Variants in SIN3A observed in about 807,000 individuals in gnomAD.
The protein encoded by SIN3A is paired amphipathic helix protein Sin3a.
In SIN3A, 14 loss-of-function variants were observed where a neutral mutation model predicts 146.1. That is an observed-to-expected ratio of 0.10 (90% CI 0.06 to 0.15). The LOEUF is 0.15. Ranked by LOEUF, SIN3A falls within the 10% of genes least tolerant of loss-of-function variation. The pLI, the probability that SIN3A is intolerant of heterozygous loss-of-function variation, is 1.00. For missense variants in SIN3A, 1,028 were observed against 1,576.0 expected (o/e 0.65, Z 5.89); for synonymous variants, 572 against 572.0 (o/e 1.00, Z 0.00).
chr15:75,429,232 G>GC (rs1470134917), intron 2 of SIN3A, among the ~76,000 whole-genome samples: 1 of 152,026 alleles, frequency 6.6e-6, no homozygotes, highest in Non-Finnish European at 1.5e-5. Flanking sequence ...ACCAGCCTGA[G>GC]CAACACAGCA....
intron 8 of SIN3A, among the ~76,000 whole-genome samples, chr15:75,408,491 A>T (rs1031856681): frequency 1.3e-5 from 2 of 152,202 alleles, no homozygotes; most frequent in African/African-American, 4.8e-5. Flanking sequence ...TTCTGCAGAC[A>T]TATCTGTCTC....
chr15:75,384,514 T>A, intron 16 of SIN3A, 77 bp from the exon 17 acceptor site: 1 of 704,994 alleles, frequency 1.4e-6, no homozygotes, highest in Non-Finnish European at 1.8e-6. Flanking sequence ...TCCTTTGATG[T>A]AGTCATTCAA....
chr15:75,384,927 A>G (rs2073051237), intron 16 of SIN3A, among the ~76,000 whole-genome samples: 1 of 152,170 alleles, frequency 6.6e-6, no homozygotes, highest in East Asian at 1.9e-4. Context: ...TAATCCCAGC[A>G]CTTTGGGAGG....
intron 17 of SIN3A, among the ~76,000 whole-genome samples, chr15:75,382,035 A>C (rs2072981780): frequency 6.6e-6 from 1 of 152,264 alleles, no homozygotes; most frequent in African/African-American, 2.4e-5. Context: ...GAACCACAAA[A>C]TGTCAATGCT....
rs768298196 is a variant in SIN3A at position 75,372,003 on chromosome 15, G to A, written c.3798C>T (p.Tyr1266=). ...GTTAAGGGGCTTTGAATACTGTGCC[G>A]TATTTGACACGATACTTGTTAATGC... The part of the protein sequence containing the change: ...FVSINKYRVK[Y]GTVFKAP Residue 1266 remains tyrosine, a synonymous_variant, in exon 21 of 21, where the codon TAC becomes TAT. Transcript: ENST00000394947. 4.3e-6 allele frequency: 7 copies of A among 1,614,146 alleles called. No individual in the cohort carries two copies. The East Asian group carries it at 6.7e-5, about 15-fold the overall frequency.
At chr15:75,391,235 T>C (rs2073193885) in intron 15 of SIN3A, among the ~76,000 whole-genome samples, 1 of 152,102 alleles carries the variant, frequency 6.6e-6, no homozygotes, top group Non-Finnish European at 1.5e-5. Flanking sequence ...AAACAAGCTG[T>C]GGTAAGTGTG....
At chr15:75,389,851 T>C (rs1567330719) in intron 15 of SIN3A, 30 bp from the exon 16 acceptor site, 6 of 1,607,996 alleles carry the variant, frequency 3.7e-6, no homozygotes, top group Non-Finnish European at 5.1e-6. Flanking sequence ...GGTGAGGCCT[T>C]ACCTTGCTAA....
chr15:75,424,119 A>C (rs537671141), intron 2 of SIN3A, among the ~76,000 whole-genome samples: 1 of 152,316 alleles, frequency 6.6e-6, no homozygotes, highest in South Asian at 2.1e-4. Context: ...AAAATAAATT[A>C]CTATGAAAGT....
At chr15:75,412,480 T>C (rs1243406355) in intron 5 of SIN3A, among the ~76,000 whole-genome samples, 1 of 152,240 alleles carries the variant, frequency 6.6e-6, no homozygotes, top group Admixed American at 6.5e-5. Flanking sequence ...CAACTACTAC[T>C]ACACAAAGTC....
intron 1 of SIN3A, among the ~76,000 whole-genome samples, chr15:75,449,970 G>A (rs1377584065): frequency 1.3e-5 from 2 of 151,944 alleles, no homozygotes; most frequent in Non-Finnish European, 2.9e-5. Flanking sequence ...AGTAGAAACA[G>A]GGTTTCGCCA....
chr15:75,440,288 T>G (rs1481810179), intron 1 of SIN3A, among the ~76,000 whole-genome samples: 1 of 151,710 alleles, frequency 6.6e-6, no homozygotes, highest in Non-Finnish European at 1.5e-5. Context: ...TGGAGTGCAG[T>G]GGTGCAATCT....
At chr15:75,410,865 G>A (rs1287496889) in intron 6 of SIN3A, among the ~76,000 whole-genome samples, 9 of 146,158 alleles carry the variant, frequency 6.2e-5, no homozygotes, top group East Asian at 2.1e-4. Context: ...TTGAAACCCC[G>A]TCTCTACTAA....
At chr15:75,443,704 G>C (rs2074255586) in intron 1 of SIN3A, 1 of 152,066 alleles carries the variant, frequency 6.6e-6, no homozygotes, top group African/African-American at 2.4e-5. Flanking sequence ...GACAGAGTGA[G>C]ACCCTGTATC....
chr15:75,437,578 A>G (rs937365441), intron 1 of SIN3A, among the ~76,000 whole-genome samples: 2 of 152,192 alleles, frequency 1.3e-5, no homozygotes, highest in African/African-American at 2.4e-5. Flanking sequence ...GAATATGAAC[A>G]ATCTAAAGTA....
intron 16 of SIN3A, among the ~76,000 whole-genome samples, chr15:75,386,552 A>G (rs2073085090): frequency 6.6e-6 from 1 of 152,182 alleles, no homozygotes; most frequent in African/African-American, 2.4e-5. Flanking sequence ...ATCTGTATGG[A>G]AAGGTCTAGT....
chr15:75,410,335 C>A (rs778005553), intron 6 of SIN3A, 49 bp from the exon 7 acceptor site: 2 of 1,576,864 alleles, frequency 1.3e-6, no homozygotes, highest in South Asian at 1.1e-5. Context: ...TGTTTTGAGT[C>A]ACTCATCTTT....
At chr15:75,451,920 A>G (rs2074418510), upstream of SIN3A, among the ~76,000 whole-genome samples, 1 of 150,808 alleles carries the variant, frequency 6.6e-6, no homozygotes, top group East Asian at 2.0e-4. Flanking sequence ...CCTATTGGAG[A>G]CGGACTGCTG....
Position 75,400,035 on chromosome 15 carries a change from T to G in SIN3A, c.1854+5A>C, listed in dbSNP as rs751911687. On this transcript the variant is annotated splice_donor_5th_base_variant and intron_variant, in intron 12 of 20. Coordinates refer to ENST00000394947, the MANE Select transcript of SIN3A (RefSeq NM_001145358.2). ...CCCAACTTCAAATGCCAAACAAGCT[T>G]GTACCTCAAAGCGTTCATCTTCACA... 1 of 1,515,262 alleles carries G rather than the reference T, an allele frequency of 6.6e-7. No individual in the cohort carries two copies. Among genetic ancestry groups the G allele is most frequent in the South Asian group, 1.1e-5 (1 of 88,966 alleles). 93.9% of individuals were successfully genotyped at this position (1,515,262 alleles called of 1,614,324 possible).
chr15:75,408,393 C>G (rs1005860623), intron 8 of SIN3A, among the ~76,000 whole-genome samples: 3 of 152,204 alleles, frequency 2.0e-5, no homozygotes, highest in Admixed American at 6.5e-5. Context: ...TCAGTAACAC[C>G]TAGTACGTCA....
Sources: gnomAD v4.1 joint callset for allele counts (sites outside exome capture counted in the v4.1 genomes callset) on GRCh38, gnomAD v4.1.1 for gene constraint, MANE v1.5 for transcripts, NCBI Gene and HGNC (gene_info 2026-07-23, HGNC 2026-07-21) for gene names.